The following TCEA3 variants were observed in gnomAD, a reference collection of about 807,000 sequenced individuals.
TCEA3 encodes transcription elongation factor A3.
In TCEA3, 36 loss-of-function variants were observed where a neutral mutation model predicts 44.0. The ratio of observed to expected loss-of-function variants is 0.82; its 90% CI spans 0.63 to 1.08. The LOEUF (loss-of-function observed/expected upper bound fraction) is 1.08, where lower values mean the gene tolerates loss of function less well. Ranked by LOEUF, TCEA3 falls within the 50% of genes least tolerant of loss-of-function variation. The pLI is 0.00. For synonymous variants in TCEA3, 162 were observed against 159.7 expected, an observed-to-expected ratio of 1.01 and a Z score of -0.11; for missense variants, 392 against 441.2, an observed-to-expected ratio of 0.89 and a Z score of 1.00.
Position 23,404,813 on chromosome 1 carries a change from T to A in TCEA3, c.443+3851A>T, listed in dbSNP as rs527975445. On this transcript the variant is annotated intron_variant, in intron 5 of 10. Coordinates refer to ENST00000450454, the MANE Select transcript of TCEA3 (RefSeq NM_003196.3). The stretch of plus-strand genomic sequence containing the variant: ...GTCTCTACAAAAAAAAAATTTTTTT[T>A]AAGTTAGCTGGGTGTGGTGGTGTGC... Among the ~76,000 whole-genome samples, 8 of 151,918 alleles carry A rather than the reference T, an allele frequency of 5.3e-5. No individual in the cohort carries two copies. In the South Asian group the frequency reaches 6.2e-4, roughly 12 times the overall value.
At chr1:23,399,072 C>A (rs1397467171) in intron 5 of TCEA3, among the ~76,000 whole-genome samples, 1 of 146,224 alleles carries the variant, frequency 6.8e-6, no homozygotes, top group Non-Finnish European at 1.5e-5. Flanking sequence ...CCAGCCAACA[C>A]CTATGCTATA....
At chr1:23,418,445 G>A (rs111475704) in intron 2 of TCEA3, 37 of 179,648 alleles carry the variant, frequency 2.1e-4, no homozygotes, top group African/African-American at 8.2e-4. Flanking sequence ...CTGAGTAGCT[G>A]GGATTATAGG....
Position 23,387,300 on chromosome 1 carries a change from G to T in TCEA3, c.939C>A (p.Cys313Ter). The T allele has an allele frequency of 6.2e-7, 1 of 1,613,888 alleles. No individual in the cohort carries two copies. Among genetic ancestry groups the T allele is most frequent in the Non-Finnish European group, 8.5e-7 (1 of 1,179,876 alleles). The change falls in exon 9 of 11, where the codon TGC becomes TGA. Residue 313 changes from cysteine to a stop codon, truncating the protein, a stop_gained. Transcript: ENST00000450454. LOFTEE classifies it high-confidence loss of function. ...TTTDLFQCSK[C>*]KKKNCTYNQV... is the part of the protein sequence containing the mutation. ...GGTTATAGGTGCAGTTCTTCTTCTT[G>T]CATTTGCTGCACTGGAAGAGGTCAG...
chr1:23,412,622 C>G (rs141785411), intron 4 of TCEA3, among the ~76,000 whole-genome samples: 1,831 of 151,898 alleles, frequency 0.012, 34 homozygotes, highest in African/African-American at 0.042. Flanking sequence ...GCAGAAGAAT[C>G]ACTTGAACCT....
intron 1 of TCEA3, 187 bp from the exon 2 acceptor site, chr1:23,419,326 C>G (rs575125431): frequency 1.2e-5 from 5 of 400,884 alleles, no homozygotes; most frequent in Non-Finnish European, 2.2e-5. Flanking sequence ...CTTCATCCCC[C>G]GCCACCTGCT....
chr1:23,415,998 T>G (rs150415105), intron 4 of TCEA3, among the ~76,000 whole-genome samples: 2 of 148,018 alleles, frequency 1.4e-5, no homozygotes, highest in Non-Finnish European at 3.0e-5. Context: ...TTCTACATTT[T>G]CCTTTTTTTT....
chr1:23,384,389 A>G lies in TCEA3; in HGVS notation c.995T>C (p.Met332Thr). 1 of 1,613,868 alleles carries G rather than the reference A, an allele frequency of 6.2e-7. No individual in the cohort carries two copies. The highest frequency in any genetic ancestry group is 8.5e-7 in the Non-Finnish European group (1 of 1,179,818). ...QVQTRSADEP[M>T]TTFVLCNECG... ...TTCATTGCATAAGACAAAGGTAGTC[A>G]TGGGCTCATCAGCACTGCGTGTCTG... Residue 332 changes from methionine (M) to threonine (T), a missense_variant, in exon 10 of 11, where the codon ATG becomes ACG. Coordinates refer to ENST00000450454, the MANE Select transcript of TCEA3 (RefSeq NM_003196.3).
chr1:23,421,519 A>G (rs1296939364), intron 1 of TCEA3, among the ~76,000 whole-genome samples: 2 of 151,148 alleles, frequency 1.3e-5, no homozygotes, highest in East Asian at 3.9e-4. Flanking sequence ...AAAAAAACTG[A>G]CCTGTAGTGT....
At chr1:23,392,593 C>T in intron 8 of TCEA3, among the ~76,000 whole-genome samples, 1 of 150,710 alleles carries the variant, frequency 6.6e-6, no homozygotes. Context: ...ATCATACACA[C>T]ACACTCCACA....
chr1:23,403,980 G>A, intron 5 of TCEA3: 1 of 624,380 alleles, frequency 1.6e-6, no homozygotes, highest in South Asian at 1.8e-5. Context: ...GGGCATCATC[G>A]GCCGGGGTGG....
At chr1:23,406,852 C>T (rs1558054715) in intron 5 of TCEA3, among the ~76,000 whole-genome samples, 15 of 152,300 alleles carry the variant, frequency 9.8e-5, no homozygotes, top group Non-Finnish European at 1.5e-5. Context: ...GAACTCCTGG[C>T]TTCAAGTGAT....
At position 23,419,070 on chromosome 1, in the gene TCEA3, G is replaced by T; in HGVS notation, c.132+7C>A. 6.4e-6 allele frequency: 3 copies of T among 472,294 alleles called. No homozygotes were observed. Among genetic ancestry groups the T allele is most frequent in the Admixed American group, 6.0e-5 (1 of 16,592 alleles). The allele number at this position is 472,294 out of a possible 1,614,324, so 29.3% of individuals were successfully genotyped here. A position where few individuals can be genotyped will look rare whatever the true frequency, so the allele number is the denominator to read the frequency against. On this transcript the variant is annotated splice_region_variant and intron_variant, in intron 2 of 10. Transcript: ENST00000450454. ...CACTGTCCCAAGGCTTCCCACCCCCGCCCCACCTGTAGTAGCTGGATGGAC... is the reference window on the plus strand; with the variant it reads ...CACTGTCCCAAGGCTTCCCACCCCCTCCCCACCTGTAGTAGCTGGATGGAC...
chr1:23,422,663 G>A (rs894982561), intron 1 of TCEA3, among the ~76,000 whole-genome samples: 6 of 152,104 alleles, frequency 3.9e-5, no homozygotes, highest in Admixed American at 2.6e-4. Context: ...GCGCAGACGT[G>A]GCTGTAAACT....
At chr1:23,412,892 C>T (rs931290845) in intron 4 of TCEA3, among the ~76,000 whole-genome samples, 1 of 152,144 alleles carries the variant, frequency 6.6e-6, no homozygotes. Context: ...AATGAATTAT[C>T]ATTAAGAAAA....
intron 10 of TCEA3, 159 bp downstream of exon 10, chr1:23,384,187 A>G (rs1570216560): frequency 1.4e-6 from 2 of 1,480,458 alleles, no homozygotes; most frequent in East Asian, 2.4e-5. Context: ...CACCTCCCCA[A>G]CAGCAATCCG....
chr1:23,397,710 A>G, intron 6 of TCEA3, 82 bp downstream of exon 6: 1 of 1,609,188 alleles, frequency 6.2e-7, no homozygotes, highest in Non-Finnish European at 8.5e-7. Context: ...GGGTGCTGAG[A>G]AAGACTGAAT....
At chr1:23,401,240 G>C (rs114166503) in intron 5 of TCEA3, among the ~76,000 whole-genome samples, 2,362 of 152,292 alleles carry the variant, frequency 0.016, 62 homozygotes, top group African/African-American at 0.053. Context: ...TTCCTCAAAA[G>C]TGCCTCCATG....
intron 7 of TCEA3, among the ~76,000 whole-genome samples, chr1:23,394,340 A>G (rs1307800967): frequency 6.6e-6 from 1 of 152,104 alleles, no homozygotes; most frequent in Non-Finnish European, 1.5e-5. Context: ...TGAGTCACAC[A>G]ACCTCTACAC....
intron 10 of TCEA3, among the ~76,000 whole-genome samples, chr1:23,382,404 C>T (rs554543306): frequency 8.5e-5 from 13 of 152,214 alleles, no homozygotes; most frequent in African/African-American, 2.2e-4. Flanking sequence ...CCCAAACTCC[C>T]GTAATACTAG....
Sources: allele counts gnomAD v4.1 joint callset (sites outside exome capture counted in the v4.1 genomes callset), GRCh38; gene constraint gnomAD v4.1.1; transcripts MANE v1.5; gene names NCBI Gene and HGNC (gene_info 2026-07-23, HGNC 2026-07-21).